The following SLC25A24 variants were observed in gnomAD, a reference collection of about 807,000 sequenced individuals.
SLC25A24 encodes the protein mitochondrial adenyl nucleotide antiporter SLC25A24.
In SLC25A24, 49 loss-of-function variants were observed where a neutral mutation model predicts 60.7. That is an observed-to-expected ratio of 0.81 (90% CI 0.64 to 1.02). SLC25A24 has a LOEUF of 1.02. SLC25A24 is among the 50% of genes least tolerant of loss of function. The pLI is 0.00. For synonymous variants in SLC25A24, 202 were observed against 200.6 expected (o/e 1.01, Z -0.06); for missense variants, 564 against 586.3 (o/e 0.96, Z 0.39).
intron 3 of SLC25A24, among the ~76,000 whole-genome samples, chr1:108,180,507 G>A (rs372908009): frequency 3.3e-5 from 5 of 152,170 alleles, no homozygotes; most frequent in African/African-American, 1.2e-4. Context: ...AACCCACCGT[G>A]TGATTATATC....
intron 4 of SLC25A24, among the ~76,000 whole-genome samples, chr1:108,160,136 C>CGCAGTGA (rs1680020736): frequency 3.9e-5 from 6 of 151,972 alleles, no homozygotes; most frequent in Admixed American, 3.9e-4. Flanking sequence ...GGCTGCCGGG[C>CGCAGTGA]GGAGACGCTC....
At chr1:108,184,330 T>C (rs912500088) in intron 2 of SLC25A24, among the ~76,000 whole-genome samples, 2 of 152,310 alleles carry the variant, frequency 1.3e-5, no homozygotes, top group East Asian at 3.9e-4. Context: ...CAATCTGAAC[T>C]GCAGAGGGTC....
chr1:108,153,109 G>A (rs568290225), intron 6 of SLC25A24, among the ~76,000 whole-genome samples: 1 of 152,226 alleles, frequency 6.6e-6, no homozygotes, highest in East Asian at 1.9e-4. Flanking sequence ...AGATAAAGAG[G>A]AAGATGTTGG....
chr1:108,138,180 C>A (rs1395297162), intron 9 of SLC25A24, among the ~76,000 whole-genome samples: 1 of 152,198 alleles, frequency 6.6e-6, no homozygotes, highest in Non-Finnish European at 1.5e-5. Context: ...AACGTCTTCT[C>A]TACTCTACAC....
At chr1:108,168,542 C>T (rs1408796956) in intron 3 of SLC25A24, among the ~76,000 whole-genome samples, 3 of 152,160 alleles carry the variant, frequency 2.0e-5, no homozygotes, top group African/African-American at 7.2e-5. Flanking sequence ...TATTGACAAA[C>T]TTCCTAGATA....
intron 3 of SLC25A24, among the ~76,000 whole-genome samples, chr1:108,170,156 A>G (rs914893980): frequency 7.2e-5 from 11 of 152,204 alleles, no homozygotes; most frequent in Admixed American, 7.2e-4. Flanking sequence ...TCCATCTTAG[A>G]AATATTCCAT....
chr1:108,163,440 T>G (rs1439706783), intron 3 of SLC25A24, among the ~76,000 whole-genome samples: 2 of 150,466 alleles, frequency 1.3e-5, no homozygotes, highest in Non-Finnish European at 3.0e-5. Context: ...TGGAATGTTC[T>G]TCCATTTGTT....
At chr1:108,154,645 G>A (rs1679844018) in intron 6 of SLC25A24, among the ~76,000 whole-genome samples, 1 of 152,086 alleles carries the variant, frequency 6.6e-6, no homozygotes, top group African/African-American at 2.4e-5. Context: ...TTTCCTTCCA[G>A]AGGTTAGATT....
At chr1:108,160,995 G>A (rs1041207821) in intron 4 of SLC25A24, among the ~76,000 whole-genome samples, 187 bp downstream of exon 4, 2 of 151,970 alleles carry the variant, frequency 1.3e-5, no homozygotes, top group African/African-American at 4.8e-5. Context: ...GAGGGAGAGG[G>A]AGAGCTGTTT....
intron 7 of SLC25A24, among the ~76,000 whole-genome samples, chr1:108,146,150 C>T (rs551889029): frequency 1.3e-5 from 2 of 152,084 alleles, no homozygotes; most frequent in African/African-American, 4.8e-5. Flanking sequence ...AGTTGTATTC[C>T]GAGGTATTTT....
Position 108,166,441 on chromosome 1 carries a change from T to C in SLC25A24, c.399-5148A>G, listed in dbSNP as rs574340270. Among the ~76,000 whole-genome samples the C allele has an allele frequency of 1.1e-4, 16 of 152,300 alleles. No homozygotes were observed. In the South Asian group the frequency reaches 2.3e-3, roughly 22 times the overall value. ...CACTTTCAGGTACACCAATCAGACA[T>C]AGATTTGGTCTTTTCACATAGTCCC... is the stretch of plus-strand genomic sequence containing the variant. On this transcript the variant is annotated intron_variant, in intron 3 of 9. Coordinates refer to ENST00000565488, the MANE Select transcript of SLC25A24 (RefSeq NM_013386.5).
At chr1:108,148,436 C>A in intron 6 of SLC25A24, 50 bp from the exon 7 acceptor site, 1 of 1,009,240 alleles carries the variant, frequency 9.9e-7, no homozygotes, top group South Asian at 1.3e-5. Context: ...GTGGACTGAG[C>A]TGCACCCCCA....
At chr1:108,189,885 G>GTATA (rs1648287360) in intron 1 of SLC25A24, among the ~76,000 whole-genome samples, 2 of 147,502 alleles carry the variant, frequency 1.4e-5, no homozygotes, top group South Asian at 4.2e-4. Flanking sequence ...ATATATATAT[G>GTATA]TATATATAGA....
intron 3 of SLC25A24, among the ~76,000 whole-genome samples, chr1:108,178,739 G>A (rs1453492249): frequency 3.9e-5 from 6 of 151,958 alleles, no homozygotes; most frequent in South Asian, 4.1e-4. Flanking sequence ...ACGGGAACCC[G>A]GGAGGCGGAG....
At chr1:108,172,784 T>A (rs1041142548) in intron 3 of SLC25A24, among the ~76,000 whole-genome samples, 1 of 152,150 alleles carries the variant, frequency 6.6e-6, no homozygotes, top group South Asian at 2.1e-4. Flanking sequence ...TGGAGTGACA[T>A]GAGTAACACT....
At chr1:108,170,683 C>G (rs777373379) in intron 3 of SLC25A24, among the ~76,000 whole-genome samples, 1 of 151,728 alleles carries the variant, frequency 6.6e-6, no homozygotes, top group Non-Finnish European at 1.5e-5. Flanking sequence ...AATGTTTTTA[C>G]TATATAATCT....
At chr1:108,191,968 G>C (rs1347392262) in intron 1 of SLC25A24, among the ~76,000 whole-genome samples, 1 of 138,976 alleles carries the variant, frequency 7.2e-6, no homozygotes, top group African/African-American at 2.5e-5. Context: ...GCTCGGTACT[G>C]ATAACTAGGG....
chr1:108,153,138 C>A (rs771223510), intron 6 of SLC25A24, among the ~76,000 whole-genome samples: 2 of 152,120 alleles, frequency 1.3e-5, no homozygotes, highest in Non-Finnish European at 2.9e-5. Context: ...GCAGTCAGTA[C>A]AGAGATGGCA....
intron 3 of SLC25A24, among the ~76,000 whole-genome samples, chr1:108,164,642 C>T (rs1173262474): frequency 1.3e-5 from 2 of 148,992 alleles, no homozygotes; most frequent in African/African-American, 2.5e-5. Context: ...GGTGATATCC[C>T]CTTTATCATT....
Sources: gnomAD v4.1 joint callset for allele counts (sites outside exome capture counted in the v4.1 genomes callset) on GRCh38, gnomAD v4.1.1 for gene constraint, MANE v1.5 for transcripts, NCBI Gene and HGNC (gene_info 2026-07-23, HGNC 2026-07-21) for gene names.